The following MGAT5 variants were observed in gnomAD, a reference collection of about 807,000 sequenced individuals.
The protein encoded by MGAT5 is alpha-1,6-mannosylglycoprotein 6-beta-N-acetylglucosaminyltransferase A.
In MGAT5, 30 loss-of-function variants were observed where a neutral mutation model predicts 94.3. That is an observed-to-expected ratio of 0.32 (90% CI 0.24 to 0.43). The LOEUF is 0.43. Among genes scored for constraint, MGAT5 ranks in the 20% least tolerant of loss-of-function variants. MGAT5 has a pLI of 1.00. For missense variants in MGAT5, 691 were observed against 905.5 expected, an observed-to-expected ratio of 0.76 and a Z score of 3.04; for synonymous variants, 310 against 322.9, an observed-to-expected ratio of 0.96 and a Z score of 0.43.
At chr2:134,314,869 G>A (rs938393881) in intron 2 of MGAT5, among the ~76,000 whole-genome samples, 2 of 152,122 alleles carry the variant, frequency 1.3e-5, no homozygotes, top group African/African-American at 4.8e-5. Context: ...CAACAGGGGG[G>A]TCTGTGCCTG....
intron 1 of MGAT5, among the ~76,000 whole-genome samples, chr2:134,181,168 C>T (rs142134292): frequency 6.6e-6 from 1 of 152,146 alleles, no homozygotes; most frequent in Non-Finnish European, 1.5e-5. Flanking sequence ...CAATTTTGTT[C>T]TCCATGGTCA....
intron 1 of MGAT5, among the ~76,000 whole-genome samples, chr2:134,143,614 GC>G (rs1401233214): frequency 6.6e-6 from 1 of 152,210 alleles, no homozygotes. Context: ...TCAGGCAGGC[GC>G]CTGGAAATAG....
At chr2:134,326,489 C>G (rs1687656263) in intron 4 of MGAT5, among the ~76,000 whole-genome samples, 2 of 151,986 alleles carry the variant, frequency 1.3e-5, no homozygotes, top group African/African-American at 4.8e-5. Flanking sequence ...AGTTCCTGCC[C>G]TAGGCCTGGA....
chr2:134,151,809 G>C (rs11902483), intron 1 of MGAT5, among the ~76,000 whole-genome samples: 73,200 of 107,880 alleles, frequency 0.68, 24,872 homozygotes, highest in African/African-American at 0.84. Context: ...CCCTATGGGA[G>C]CCTCCCACTG....
chr2:134,137,878 C>CTTTT (rs1686487784), intron 1 of MGAT5, among the ~76,000 whole-genome samples: 1 of 150,260 alleles, frequency 6.7e-6, no homozygotes, highest in Non-Finnish European at 1.5e-5. Flanking sequence ...TAGCATCTCG[C>CTTTT]CTTTCTTTTC....
intron 1 of MGAT5, among the ~76,000 whole-genome samples, chr2:134,147,129 C>G (rs941729269): frequency 3.3e-5 from 5 of 152,114 alleles, no homozygotes; most frequent in African/African-American, 1.2e-4. Flanking sequence ...TGATTTTGTA[C>G]CATCAGACTG....
intron 10 of MGAT5, among the ~76,000 whole-genome samples, chr2:134,376,963 C>G (rs1210674013): frequency 1.3e-5 from 2 of 152,188 alleles, no homozygotes; most frequent in East Asian, 3.9e-4. Context: ...TTTCACCTAC[C>G]TAAACCATGT....
At chr2:134,172,452 T>G (rs1282224106) in intron 1 of MGAT5, among the ~76,000 whole-genome samples, 1 of 152,118 alleles carries the variant, frequency 6.6e-6, no homozygotes, top group Non-Finnish European at 1.5e-5. Context: ...AGTGGCACGA[T>G]CTCAGCTCAC....
intron 10 of MGAT5, among the ~76,000 whole-genome samples, chr2:134,400,807 G>A (rs1683002713): frequency 6.6e-6 from 1 of 152,096 alleles, no homozygotes; most frequent in Admixed American, 6.5e-5. Context: ...CACCTGCACC[G>A]CCCATCTCCT....
intron 8 of MGAT5, among the ~76,000 whole-genome samples, chr2:134,345,503 G>T (rs564363665): frequency 6.6e-6 from 1 of 152,100 alleles, no homozygotes; most frequent in Non-Finnish European, 1.5e-5. Flanking sequence ...CTGGGGTCTT[G>T]CACTTTTTAA....
At chr2:134,250,908 G>A (rs1682551547), upstream of MGAT5, among the ~76,000 whole-genome samples, 1 of 152,192 alleles carries the variant, frequency 6.6e-6, no homozygotes, top group Admixed American at 6.5e-5. Flanking sequence ...CAAGGGCAGA[G>A]AAGAAGCCTT....
chr2:134,448,849 A>G lies in MGAT5; in HGVS notation c.*2A>G. The G allele has an allele frequency of 6.2e-7, 1 of 1,612,368 alleles. No homozygotes were observed. Among genetic ancestry groups the G allele is most frequent in the South Asian group, 1.1e-5 (1 of 90,958 alleles). ...GCTCTCTGCAAAGACTGCCTATAGCAGCTACCTGCTCAGCCCTGCACCATG... is the reference window on the plus strand; with the variant it reads ...GCTCTCTGCAAAGACTGCCTATAGCGGCTACCTGCTCAGCCCTGCACCATG... On this transcript the variant is annotated 3_prime_UTR_variant, in exon 16 of 16. Coordinates refer to ENST00000281923, the MANE Select transcript of MGAT5 (RefSeq NM_002410.5).
At chr2:134,413,821 T>C (rs2106333328) in intron 12 of MGAT5, among the ~76,000 whole-genome samples, 1 of 152,344 alleles carries the variant, frequency 6.6e-6, no homozygotes, top group Admixed American at 6.5e-5. Context: ...GGGGATTACA[T>C]TGATTAGCAT....
At chr2:134,339,618 G>T (rs1688519806) in intron 6 of MGAT5, among the ~76,000 whole-genome samples, 1 of 152,112 alleles carries the variant, frequency 6.6e-6, no homozygotes, top group Admixed American at 6.6e-5. Context: ...CAATTATTAA[G>T]GGGAGTTGGG....
chr2:134,354,407 G>A (rs989779709), intron 9 of MGAT5, among the ~76,000 whole-genome samples: 3 of 152,106 alleles, frequency 2.0e-5, no homozygotes, highest in South Asian at 4.1e-4. Context: ...CAGTCCAAAC[G>A]AACCCAGTGG....
At chr2:134,192,972 A>T (rs1401625661) in intron 1 of MGAT5, among the ~76,000 whole-genome samples, 1 of 151,972 alleles carries the variant, frequency 6.6e-6, no homozygotes, top group Admixed American at 6.5e-5. Flanking sequence ...AATGATGTTT[A>T]AAAAAATTTT....
At chr2:134,413,802 C>T (rs913410545) in intron 12 of MGAT5, among the ~76,000 whole-genome samples, 2 of 152,150 alleles carry the variant, frequency 1.3e-5, no homozygotes, top group Non-Finnish European at 2.9e-5. Context: ...CATTCAGGGC[C>T]TTTGGCTGGG....
chr2:134,176,572 T>TTAAAAAA (rs764769403), intron 1 of MGAT5, among the ~76,000 whole-genome samples: 16 of 83,316 alleles, frequency 1.9e-4, no homozygotes, highest in East Asian at 3.2e-4. Context: ...GACTCTGTCT[T>TTAAAAAA]AAAAAAAAAA....
At chr2:134,160,658 G>T (rs1240201611) in intron 1 of MGAT5, among the ~76,000 whole-genome samples, 1 of 152,204 alleles carries the variant, frequency 6.6e-6, no homozygotes, top group African/African-American at 2.4e-5. Context: ...TCTTCTAGGG[G>T]TTAGCAAAAG....
Sources: gnomAD v4.1 joint callset for allele counts (sites outside exome capture counted in the v4.1 genomes callset) on GRCh38, gnomAD v4.1.1 for gene constraint, MANE v1.5 for transcripts, NCBI Gene and HGNC (gene_info 2026-07-23, HGNC 2026-07-21) for gene names.